L3MBTL4: variants seen among roughly 807,000 people sequenced by gnomAD.
L3MBTL4 encodes the protein lethal(3)malignant brain tumor-like protein 4.
In L3MBTL4, 70 loss-of-function variants were observed where a neutral mutation model predicts 84.5. The ratio of observed to expected loss-of-function variants is 0.83; its 90% confidence interval spans 0.68 to 1.01. The LOEUF (loss-of-function observed/expected upper bound fraction) is 1.01. Ranked by LOEUF, L3MBTL4 falls within the 50% of genes least tolerant of loss-of-function variation. The pLI, the probability that L3MBTL4 is intolerant of heterozygous loss-of-function variation, is 0.00. For synonymous variants in L3MBTL4, 274 were observed against 259.8 expected (o/e 1.05, Z -0.52); for missense variants, 715 against 754.8 (o/e 0.95, Z 0.62).
At chr18:6,173,223 A>G (rs2044061902) in intron 12 of L3MBTL4, among the ~76,000 whole-genome samples, 1 of 152,236 alleles carries the variant, frequency 6.6e-6, no homozygotes, top group African/African-American at 2.4e-5. Flanking sequence ...TTTCATAGTA[A>G]TAACCATAAA....
At chr18:6,211,797 T>A (rs1443930996) in intron 12 of L3MBTL4, among the ~76,000 whole-genome samples, 2 of 152,048 alleles carry the variant, frequency 1.3e-5, no homozygotes, top group South Asian at 4.1e-4. Flanking sequence ...TACAGGCACG[T>A]GACACCACAC....
intron 16 of L3MBTL4, among the ~76,000 whole-genome samples, chr18:6,050,289 A>C (rs73378038): frequency 2.6e-5 from 4 of 151,990 alleles, no homozygotes; most frequent in African/African-American, 9.7e-5. Context: ...CTCCCCTCAT[A>C]CTCTCCCACA....
In L3MBTL4 at chr18:6,344,334, CAAACTGAACATAAAG is replaced by C. The variant is rs1225215504; in HGVS notation, c.-90-32293_-90-32279del. 2.0e-5 allele frequency among the ~76,000 whole-genome samples: 3 copies of C among 152,190 alleles called. No individual in the cohort carries two copies. The East Asian group carries it at 5.8e-4, about 29-fold the overall frequency. On this transcript the variant is annotated intron_variant, in intron 1 of 18. Coordinates refer to ENST00000317931, the MANE Select transcript of L3MBTL4 (RefSeq NM_001330559.2). Reference sequence around the variant, plus strand: ...AGTTCCTAGAAATATACAATCTACCCAAACTGAACATAAAGAAATAGAGAATCTGAACAAAGAACA... The same window carrying C: ...AGTTCCTAGAAATATACAATCTACCCAAATAGAGAATCTGAACAAAGAACA...
chr18:6,392,663 A>T (rs2144542851), intron 1 of L3MBTL4, among the ~76,000 whole-genome samples: 1 of 152,372 alleles, frequency 6.6e-6, no homozygotes, highest in South Asian at 2.1e-4. Context: ...TCAAAGACTT[A>T]AGACCTGAAA....
intron 1 of L3MBTL4, among the ~76,000 whole-genome samples, chr18:6,322,600 C>T (rs1000079451): frequency 2.6e-5 from 4 of 151,664 alleles, no homozygotes; most frequent in African/African-American, 9.7e-5. Flanking sequence ...GATTTGGAAG[C>T]AACCTAAGTA....
intron 16 of L3MBTL4, chr18:6,032,127 G>T: frequency 4.0e-6 from 1 of 251,224 alleles, no homozygotes; most frequent in Non-Finnish European, 7.3e-6. Flanking sequence ...ATAGGCACCC[G>T]CCACCACGCC....
intron 5 of L3MBTL4, among the ~76,000 whole-genome samples, chr18:6,246,631 A>C (rs2047675175): frequency 6.6e-6 from 1 of 152,126 alleles, no homozygotes; most frequent in Non-Finnish European, 1.5e-5. Flanking sequence ...GGGGCTGGGC[A>C]CGTGGCTCAT....
intron 12 of L3MBTL4, among the ~76,000 whole-genome samples, chr18:6,173,464 G>A (rs2044074817): frequency 6.6e-6 from 1 of 152,022 alleles, no homozygotes; most frequent in African/African-American, 2.4e-5. Context: ...CAAAGTATTG[G>A]AAAAGACAGA....
intron 16 of L3MBTL4, among the ~76,000 whole-genome samples, chr18:6,018,012 G>C (rs2145464161): frequency 6.6e-6 from 1 of 152,264 alleles, no homozygotes; most frequent in East Asian, 1.9e-4. Context: ...TCTAGGGCAG[G>C]GAGAGCTGGA....
chr18:6,130,519 T>C (rs912071901), intron 14 of L3MBTL4, among the ~76,000 whole-genome samples: 6 of 152,198 alleles, frequency 3.9e-5, no homozygotes, highest in African/African-American at 9.6e-5. Flanking sequence ...TCATGTATGC[T>C]GTGCCCTGTG....
At chr18:6,077,844 CATA>C (rs1222837215) in intron 16 of L3MBTL4, among the ~76,000 whole-genome samples, 1 of 151,118 alleles carries the variant, frequency 6.6e-6, no homozygotes, top group East Asian at 2.0e-4. Flanking sequence ...GCCTGGCCAA[CATA>C]GTGAAACCCC....
At chr18:6,297,853 C>T (rs2146786288) in intron 4 of L3MBTL4, among the ~76,000 whole-genome samples, 1 of 152,272 alleles carries the variant, frequency 6.6e-6, no homozygotes, top group Non-Finnish European at 1.5e-5. Context: ...ATAAGCTTTT[C>T]CTCTTGTGTA....
intron 1 of L3MBTL4, among the ~76,000 whole-genome samples, chr18:6,313,204 G>A (rs906202326): frequency 6.6e-6 from 1 of 152,100 alleles, no homozygotes; most frequent in Non-Finnish European, 1.5e-5. Context: ...ATATTACCTG[G>A]CTCACAGAAG....
At chr18:6,284,611 C>A (rs1001112244) in intron 4 of L3MBTL4, among the ~76,000 whole-genome samples, 3 of 152,378 alleles carry the variant, frequency 2.0e-5, no homozygotes, top group Admixed American at 2.0e-4. Flanking sequence ...CCCAAGCCCC[C>A]GGTCGCTTTT....
intron 1 of L3MBTL4, among the ~76,000 whole-genome samples, chr18:6,408,706 G>A (rs1221614339): frequency 2.0e-5 from 3 of 147,436 alleles, no homozygotes; most frequent in South Asian, 2.1e-4. Context: ...TTTTGAGACC[G>A]AGTCTCGCTC....
intron 16 of L3MBTL4, chr18:6,029,878 A>T (rs2055700075): frequency 1.6e-5 from 16 of 985,366 alleles, no homozygotes; most frequent in Non-Finnish European, 1.9e-5. Context: ...CACAGAATCT[A>T]TCCTGTAGAT....
At chr18:6,159,969 G>T (rs960180711) in intron 13 of L3MBTL4, among the ~76,000 whole-genome samples, 1 of 152,088 alleles carries the variant, frequency 6.6e-6, no homozygotes, top group Non-Finnish European at 1.5e-5. Flanking sequence ...GCATTGTTTA[G>T]CTCTGATTTC....
intron 13 of L3MBTL4, among the ~76,000 whole-genome samples, chr18:6,141,818 T>C (rs113027870): frequency 0.017 from 2,591 of 152,320 alleles, 79 homozygotes; most frequent in African/African-American, 0.058. Context: ...AAATCACAGA[T>C]ACAATCATAT....
chr18:6,108,827 A>G (rs1309654304), intron 14 of L3MBTL4, among the ~76,000 whole-genome samples: 1 of 152,228 alleles, frequency 6.6e-6, no homozygotes, highest in Non-Finnish European at 1.5e-5. Context: ...AAAAACAAAT[A>G]TAGTATAACA....
Sources: gnomAD v4.1 joint callset for allele counts (sites outside exome capture counted in the v4.1 genomes callset) on GRCh38, gnomAD v4.1.1 for gene constraint, MANE v1.5 for transcripts, NCBI Gene and HGNC (gene_info 2026-07-23, HGNC 2026-07-21) for gene names.